Variants in CATSPERE observed in about 807,000 individuals in gnomAD.
The protein encoded by CATSPERE is cation channel sperm-associated auxiliary subunit epsilon.
A neutral mutation model predicts 114.1 loss-of-function variants in CATSPERE; 93 were observed. The observed-to-expected ratio is 0.81, with a 90% CI of 0.69 to 0.97. CATSPERE has a LOEUF of 0.97. CATSPERE is among the 50% of genes least tolerant of loss of function. CATSPERE has a pLI of 0.00. For synonymous variants in CATSPERE, 341 were observed against 384.1 expected (o/e 0.89, Z 1.31); for missense variants, 1,058 against 1,131.6 (o/e 0.93, Z 0.93).
At chr1:244,499,232 AGTAGTT>A (rs1349382397) in intron 7 of CATSPERE, among the ~76,000 whole-genome samples, 153 bp downstream of exon 7, 2 of 152,196 alleles carry the variant, frequency 1.3e-5, no homozygotes, top group Non-Finnish European at 2.9e-5. Flanking sequence ...TAGCCATTAT[AGTAGTT>A]TTGAACTTAT....
At chr1:244,480,004 C>A (rs1372145758) in intron 5 of CATSPERE, among the ~76,000 whole-genome samples, 1 of 152,154 alleles carries the variant, frequency 6.6e-6, no homozygotes, top group African/African-American at 2.4e-5. Flanking sequence ...CATGTTTGTG[C>A]TTTAATATAA....
intron 2 of CATSPERE, among the ~76,000 whole-genome samples, chr1:244,473,173 A>G (rs192256058): frequency 6.6e-6 from 1 of 152,312 alleles, no homozygotes; most frequent in East Asian, 1.9e-4. Flanking sequence ...TAGTTTTGTA[A>G]GAAATTGCCA....
chr1:244,619,217 G>C (rs1365202034), intron 20 of CATSPERE, among the ~76,000 whole-genome samples: 9 of 152,152 alleles, frequency 5.9e-5, no homozygotes. Flanking sequence ...GATTCCAGGA[G>C]CATACATAAG....
intron 14 of CATSPERE, among the ~76,000 whole-genome samples, chr1:244,588,794 G>C (rs1667352471): frequency 6.6e-6 from 1 of 152,024 alleles, no homozygotes. Context: ...CTTTTAATAA[G>C]CCAGTTTCTG....
chr1:244,453,899 C>T (rs534346373), upstream of CATSPERE, among the ~76,000 whole-genome samples: 1 of 152,092 alleles, frequency 6.6e-6, no homozygotes, highest in Non-Finnish European at 1.5e-5. Context: ...TCTCATTTGG[C>T]TCTTTCTAAC....
upstream of CATSPERE, among the ~76,000 whole-genome samples, chr1:244,452,804 G>T (rs1665732465): frequency 6.6e-6 from 1 of 152,156 alleles, no homozygotes; most frequent in Admixed American, 6.5e-5. Context: ...CCTTCCTGTA[G>T]ATTCCACTGT....
chr1:244,591,476 A>C (rs1435874847), intron 14 of CATSPERE, among the ~76,000 whole-genome samples: 3 of 152,224 alleles, frequency 2.0e-5, no homozygotes, highest in Non-Finnish European at 4.4e-5. Flanking sequence ...GTAGATTTCA[A>C]ATTCTGGTAT....
chr1:244,634,375 G>T (rs998331133), intron 20 of CATSPERE, among the ~76,000 whole-genome samples: 1 of 152,044 alleles, frequency 6.6e-6, no homozygotes, highest in Non-Finnish European at 1.5e-5. Flanking sequence ...TATTCTGAGG[G>T]GTAAATGAAG....
intron 2 of CATSPERE, among the ~76,000 whole-genome samples, chr1:244,473,606 T>C (rs1206994239): frequency 6.6e-6 from 1 of 152,156 alleles, no homozygotes; most frequent in Non-Finnish European, 1.5e-5. Context: ...GTTTTTAATT[T>C]TAATGAAGTC....
intron 9 of CATSPERE, among the ~76,000 whole-genome samples, chr1:244,556,422 A>G (rs1661585601): frequency 6.6e-6 from 1 of 152,208 alleles, no homozygotes; most frequent in Non-Finnish European, 1.5e-5. Context: ...CAATAATTAC[A>G]TTAAATCTAA....
intron 1 of CATSPERE, among the ~76,000 whole-genome samples, chr1:244,463,640 A>G (rs895043613): frequency 2.2e-5 from 3 of 138,320 alleles, no homozygotes; most frequent in African/African-American, 8.9e-5. Context: ...AAGAGTTTTC[A>G]TCTTACAAAA....
intron 8 of CATSPERE, among the ~76,000 whole-genome samples, chr1:244,540,093 G>C (rs1337795854): frequency 6.6e-6 from 1 of 150,916 alleles, no homozygotes; most frequent in African/African-American, 2.4e-5. Flanking sequence ...TTTGAAAACT[G>C]GCACAAGACA....
At chr1:244,451,909 GGAA>G (rs1348617643), upstream of CATSPERE, 30 of 1,317,956 alleles carry the variant, frequency 2.3e-5, no homozygotes, top group African/African-American at 7.7e-5. This position sits in a 1 kb window ranked among gnomAD's most constrained non-coding sequence, Gnocchi z 6.6. Context: ...CACATGCAGA[GGAA>G]GAAGGAGCCA....
intron 5 of CATSPERE, among the ~76,000 whole-genome samples, chr1:244,488,143 C>T (rs547804729): frequency 1.2e-4 from 19 of 152,308 alleles, no homozygotes; most frequent in African/African-American, 4.3e-4. Context: ...TTCACTGTGA[C>T]ATTTTTCTGT....
At chr1:244,518,490 C>T (rs1676994044) in intron 7 of CATSPERE, 102 bp from the exon 8 acceptor site, 1 of 725,646 alleles carries the variant, frequency 1.4e-6, no homozygotes, top group Non-Finnish European at 2.3e-6. Context: ...CAAATGTAAG[C>T]AATGTCTTAA....
rs770884755 is a variant in CATSPERE at position 244,640,109 on chromosome 1, T to C, written c.*28T>C. ...AAACTGAAAGTTTGTTTATTACAGA[T>C]ATATGCATATAGAGAAACAGTGTAT... On this transcript the variant is annotated 3_prime_UTR_variant, in exon 22 of 22. Coordinates refer to ENST00000366534, the MANE Select transcript of CATSPERE (RefSeq NM_001130957.2). 6.7e-7 allele frequency: 1 copy of C among 1,488,848 alleles called. No individual in the cohort carries two copies. 92.2% of individuals were successfully genotyped at this position (1,488,848 alleles called of 1,614,324 possible).
chr1:244,557,057 CTCTAT>C (rs1304940917), intron 9 of CATSPERE, among the ~76,000 whole-genome samples: 1 of 152,006 alleles, frequency 6.6e-6, no homozygotes. Context: ...CTTCTGGATT[CTCTAT>C]TCTGTTCTGT....
intron 2 of CATSPERE, among the ~76,000 whole-genome samples, chr1:244,471,610 A>T (rs780612114): frequency 2.0e-5 from 3 of 152,174 alleles, no homozygotes; most frequent in Admixed American, 6.5e-5. Context: ...CATTTTCTAG[A>T]TAGTCATAGA....
intron 20 of CATSPERE, among the ~76,000 whole-genome samples, chr1:244,623,715 G>C (rs1672699165): frequency 6.6e-6 from 1 of 152,018 alleles, no homozygotes; most frequent in South Asian, 2.1e-4. Context: ...TGAATTTTTT[G>C]GTTTCCCAGT....
Sources: gnomAD v4.1 joint callset for allele counts (sites outside exome capture counted in the v4.1 genomes callset) on GRCh38, gnomAD v4.1.1 for gene constraint, Gnocchi (gnomAD v3.1) non-coding constraint, MANE v1.5 for transcripts, NCBI Gene and HGNC (gene_info 2026-07-23, HGNC 2026-07-21) for gene names.